The following HHAT variants were observed in gnomAD, a reference collection of about 807,000 sequenced individuals.
The protein encoded by HHAT is protein-cysteine N-palmitoyltransferase HHAT.
In HHAT, 47 loss-of-function variants were observed where a neutral mutation model predicts 70.8. The observed-to-expected ratio is 0.66, with a 90% CI of 0.53 to 0.85. HHAT has a LOEUF of 0.85. Among genes scored for constraint, HHAT ranks in the 40% least tolerant of loss-of-function variants. HHAT has a pLI of 0.00. For synonymous variants in HHAT, 228 were observed against 247.6 expected (o/e 0.92, Z 0.74); for missense variants, 609 against 604.8 (o/e 1.01, Z -0.07).
At position 210,624,144 on chromosome 1, in the gene HHAT, A is replaced by G. The variant is rs557434269; in HGVS notation, c.1390+474A>G. On this transcript the variant is annotated intron_variant, in intron 11 of 11. Transcript: ENST00000261458. ...TCATGGATTAATGGGTTATTATGGA[A>G]GTGGGACTGGTGACTTTACAAGAAG... Among the ~76,000 whole-genome samples, 567 of 152,098 alleles carry G rather than the reference A, an allele frequency of 3.7e-3. 2 individuals carry two copies. Among genetic ancestry groups the G allele is most frequent in the Non-Finnish European group, 5.8e-3 (396 of 67,992 alleles).
intron 6 of HHAT, among the ~76,000 whole-genome samples, chr1:210,408,655 T>C (rs1046825062): frequency 1.3e-5 from 2 of 152,132 alleles, no homozygotes. Context: ...TTCCATCTAT[T>C]TGAAGAGAGA....
intron 8 of HHAT, among the ~76,000 whole-genome samples, chr1:210,478,051 G>GA (rs1324236244): frequency 6.6e-6 from 1 of 152,020 alleles, no homozygotes; most frequent in Non-Finnish European, 1.5e-5. Context: ...TGGTTTTAAT[G>GA]AAAAAACTGA....
At chr1:210,452,956 T>C (rs369243496) in intron 7 of HHAT, among the ~76,000 whole-genome samples, 2 of 152,362 alleles carry the variant, frequency 1.3e-5, no homozygotes, top group East Asian at 3.9e-4. Flanking sequence ...GTTCACTGAT[T>C]GGAGATTAAA....
intron 1 of HHAT, among the ~76,000 whole-genome samples, chr1:210,329,965 T>A (rs1429574415): frequency 6.6e-6 from 1 of 152,196 alleles, no homozygotes; most frequent in African/African-American, 2.4e-5. Flanking sequence ...CAGGCTGGTC[T>A]CGAATTCCTG....
chr1:210,567,286 T>A (rs1033639529), intron 9 of HHAT, among the ~76,000 whole-genome samples: 1 of 152,222 alleles, frequency 6.6e-6, no homozygotes, highest in Non-Finnish European at 1.5e-5. Context: ...CACTGTAATT[T>A]TCACCAGTGG....
intron 9 of HHAT, among the ~76,000 whole-genome samples, chr1:210,540,284 G>A (rs527545853): frequency 4.5e-4 from 68 of 152,308 alleles, no homozygotes; most frequent in African/African-American, 1.4e-3. Flanking sequence ...CTCCCAGGTA[G>A]CATTTATCAT....
chr1:210,395,892 T>C (rs2091755882), intron 4 of HHAT, among the ~76,000 whole-genome samples: 1 of 152,192 alleles, frequency 6.6e-6, no homozygotes, highest in Admixed American at 6.5e-5. Context: ...TTCCATCCAA[T>C]AGTTATGAAA....
intron 6 of HHAT, among the ~76,000 whole-genome samples, chr1:210,406,730 C>T (rs1160976840): frequency 6.6e-6 from 1 of 152,106 alleles, no homozygotes; most frequent in Non-Finnish European, 1.5e-5. Flanking sequence ...ATATTAGAGG[C>T]CTCTAGCAGG....
chr1:210,568,598 T>C (rs1000359518), intron 9 of HHAT, among the ~76,000 whole-genome samples: 9 of 152,220 alleles, frequency 5.9e-5, no homozygotes, highest in African/African-American at 1.2e-4. Flanking sequence ...TACCCAAGCA[T>C]AGGGGCTCAA....
At chr1:210,494,059 T>A (rs2094593121) in intron 8 of HHAT, among the ~76,000 whole-genome samples, 1 of 152,230 alleles carries the variant, frequency 6.6e-6, no homozygotes, top group South Asian at 2.1e-4. Context: ...GGAGGTGGGT[T>A]AGAATACTGT....
intron 8 of HHAT, among the ~76,000 whole-genome samples, chr1:210,484,211 A>T (rs926455786): frequency 6.6e-6 from 1 of 152,190 alleles, no homozygotes. Flanking sequence ...GAGTTCTAGG[A>T]TCTTCTTTAA....
At chr1:210,348,736 C>CGTGTGTGTGT (rs71303046) in intron 1 of HHAT, among the ~76,000 whole-genome samples, 197 bp from the exon 2 acceptor site, 16,214 of 147,910 alleles carry the variant, frequency 0.11, 908 homozygotes, top group Middle Eastern at 0.12. Context: ...TGTATGTGTG[C>CGTGTGTGTGT]GTGTGTGTGT....
In HHAT at chr1:210,567,115, T is replaced by C. The variant is rs536593683; in HGVS notation, c.1044-20783T>C. 2.0e-5 allele frequency among the ~76,000 whole-genome samples: 3 copies of C among 152,318 alleles called. No individual in the cohort carries two copies. In the East Asian group the frequency reaches 5.8e-4, roughly 29 times the overall value. On this transcript the variant is annotated intron_variant, in intron 9 of 11. Transcript: ENST00000261458. ...GTGGCAACCAAACAGAGGATGCACA[T>C]CCCTGTTGCACATCCTGTGAGGGGT...
chr1:210,655,852 GGACT>G (rs1676282551), intron 11 of HHAT, among the ~76,000 whole-genome samples: 1 of 152,040 alleles, frequency 6.6e-6, no homozygotes, highest in Admixed American at 6.6e-5. Context: ...CTTATTCCTT[GGACT>G]GACTTTCTGG....
chr1:210,655,729 AT>A (rs1676251791), intron 11 of HHAT, among the ~76,000 whole-genome samples: 1 of 152,192 alleles, frequency 6.6e-6, no homozygotes, highest in African/African-American at 2.4e-5. Context: ...TGAGTACGTC[AT>A]TTAAAAATTT....
At chr1:210,662,381 T>A (rs953127833) in intron 11 of HHAT, among the ~76,000 whole-genome samples, 2 of 152,238 alleles carry the variant, frequency 1.3e-5, no homozygotes, top group Non-Finnish European at 2.9e-5. Context: ...GAAGCCTGAT[T>A]CGTGGTGTGC....
At chr1:210,383,618 C>T (rs72745442) in intron 3 of HHAT, among the ~76,000 whole-genome samples, 24,870 of 151,912 alleles carry the variant, frequency 0.16, 2,444 homozygotes, top group Admixed American at 0.26. Flanking sequence ...AGAGTGAACC[C>T]GAATATAAAC....
rs562603228 is a variant in HHAT, at chr1:210,357,252, A to G, written c.92-5600A>G. 2.0e-5 allele frequency among the ~76,000 whole-genome samples: 3 copies of G among 152,254 alleles called. No homozygotes were observed. The South Asian group carries it at 6.2e-4, about 32-fold the overall frequency. Reference sequence around the variant, plus strand: ...TAGGTGTTGGGGGTTCAGGAGCACTACCTCAAAACATGGCACCTTGGCATT... The same window carrying G: ...TAGGTGTTGGGGGTTCAGGAGCACTGCCTCAAAACATGGCACCTTGGCATT... On this transcript the variant is annotated intron_variant, in intron 2 of 11. Transcript: ENST00000261458.
rs369595911 is a variant in HHAT, at chr1:210,403,048, G to A, written c.469-1416G>A. Among the ~76,000 whole-genome samples, 42 of 152,262 alleles carry A rather than the reference G, an allele frequency of 2.8e-4. No individual in the cohort carries two copies. In the East Asian group the frequency reaches 2.9e-3, roughly 10 times the overall value. On this transcript the variant is annotated intron_variant, in intron 5 of 11. Transcript: ENST00000261458. ...CATGGGATTGTTCTGAGAGTCAAAC[G>A]GGATAATCTATGTTAAGTGATTTTG...
Sources: gnomAD v4.1 joint callset for allele counts (sites outside exome capture counted in the v4.1 genomes callset) on GRCh38, gnomAD v4.1.1 for gene constraint, MANE v1.5 for transcripts, NCBI Gene and HGNC (gene_info 2026-07-23, HGNC 2026-07-21) for gene names.